CAPN13: variants seen among roughly 807,000 people sequenced by gnomAD.
CAPN13 encodes the protein calpain-13.
CAPN13 carries 90 observed loss-of-function variants against 98.4 expected under a neutral mutation model. The observed-to-expected ratio is 0.92, with a 90% CI of 0.77 to 1.09. The LOEUF is 1.09. Ranked by LOEUF, CAPN13 falls within the 50% of genes least tolerant of loss-of-function variation. The probability of loss-of-function intolerance (pLI) is 0.00; values close to 1 mark genes in which losing one functional copy is unlikely to be tolerated. For missense variants in CAPN13, 887 were observed against 841.3 expected (o/e 1.05, Z -0.67); for synonymous variants, 330 against 305.5 (o/e 1.08, Z -0.84).
At chr2:30,766,684 G>A (rs1416101491) in intron 5 of CAPN13, among the ~76,000 whole-genome samples, 2 of 152,208 alleles carry the variant, frequency 1.3e-5, no homozygotes, top group African/African-American at 2.4e-5. Context: ...CTTTCTGCCC[G>A]GCAATCATAT....
chr2:30,798,808 C>T (rs1024566126), intron 1 of CAPN13, among the ~76,000 whole-genome samples: 1 of 152,178 alleles, frequency 6.6e-6, no homozygotes, highest in African/African-American at 2.4e-5. Flanking sequence ...TCCAGCAAAA[C>T]CCATTACTAA....
intron 22 of CAPN13, 124 bp downstream of exon 22, chr2:30,730,606 T>C: frequency 1.6e-6 from 1 of 617,048 alleles, no homozygotes; most frequent in Non-Finnish European, 2.9e-6. Context: ...CTTGGTTCAC[T>C]TATGTAAGGG....
At chr2:30,732,282 C>T (rs945474184) in intron 20 of CAPN13, among the ~76,000 whole-genome samples, 156 bp downstream of exon 20, 13 of 152,156 alleles carry the variant, frequency 8.5e-5, no homozygotes, top group South Asian at 2.1e-4. Flanking sequence ...GCTGGTCACA[C>T]CATCTACAGC....
intron 1 of CAPN13, among the ~76,000 whole-genome samples, chr2:30,806,978 CAG>C (rs1454653653): frequency 4.6e-5 from 7 of 152,174 alleles, no homozygotes; most frequent in Admixed American, 1.3e-4. Context: ...ACGGTGAACA[CAG>C]CCCTCAAGGT....
In CAPN13 at chr2:30,732,569, G is replaced by A; in HGVS notation, c.1799-3C>T. 1 of 1,605,892 alleles carries A rather than the reference G, an allele frequency of 6.2e-7. No homozygotes were observed. Among genetic ancestry groups the A allele is most frequent in the Non-Finnish European group, 8.5e-7 (1 of 1,177,100 alleles). On this transcript the variant is annotated splice_polypyrimidine_tract_variant and splice_region_variant and intron_variant, in intron 19 of 22. Transcript: ENST00000295055. The stretch of plus-strand genomic sequence containing the variant: ...GATGAAGATCCCTCTGAGGAAGTCT[G>A]GGGCCACAGGTGAACGAGTGAGTGA...
chr2:30,725,629 C>T (rs1670832890), intron 22 of CAPN13, among the ~76,000 whole-genome samples: 1 of 152,132 alleles, frequency 6.6e-6, no homozygotes, highest in Admixed American at 6.5e-5. Context: ...GCTCCAGGGA[C>T]ACTTTGTAAC....
intron 17 of CAPN13, 74 bp downstream of exon 17, chr2:30,738,161 C>T (rs552349985): frequency 2.0e-6 from 3 of 1,537,408 alleles, no homozygotes; most frequent in African/African-American, 1.4e-5. Context: ...CCCTACTGTC[C>T]TAATTAGGTC....
At chr2:30,771,613 C>A (rs1252553015) in intron 4 of CAPN13, among the ~76,000 whole-genome samples, 1 of 152,176 alleles carries the variant, frequency 6.6e-6, no homozygotes, top group African/African-American at 2.4e-5. Flanking sequence ...AGGGTGATTA[C>A]AAAATGCATC....
intron 1 of CAPN13, among the ~76,000 whole-genome samples, chr2:30,801,520 G>C (rs538150134): frequency 6.7e-6 from 1 of 150,078 alleles, no homozygotes; most frequent in Admixed American, 6.7e-5. Context: ...CTGGAGAATC[G>C]CTTGAACCCG....
chr2:30,804,575 G>C (rs1347350147), intron 1 of CAPN13, among the ~76,000 whole-genome samples: 1 of 152,190 alleles, frequency 6.6e-6, no homozygotes, highest in Non-Finnish European at 1.5e-5. Context: ...GATCATAAAT[G>C]CTTTATATCA....
intron 7 of CAPN13, 69 bp from the exon 8 acceptor site, chr2:30,758,206 AGCT>A: frequency 1.7e-6 from 2 of 1,205,914 alleles, no homozygotes; most frequent in Non-Finnish European, 2.3e-6. Context: ...GGATGAATGC[AGCT>A]GCTTTTTACC....
chr2:30,805,498 CAAT>C (rs1675559959), intron 1 of CAPN13, among the ~76,000 whole-genome samples: 1 of 152,144 alleles, frequency 6.6e-6, no homozygotes, highest in South Asian at 2.1e-4. Context: ...ATAATGTCAA[CAAT>C]AATGACTAAA....
chr2:30,722,918 G>C lies in CAPN13; in HGVS notation c.*349C>G, dbSNP rs1670742267. On this transcript the variant is annotated 3_prime_UTR_variant, in exon 23 of 23. Transcript: ENST00000295055. ...AGGGTGGTCAAAGTGGCTCATTCTG[G>C]CTCTTCCAAGAAATGAATCCAACTG... 1 of 152,228 alleles carries C rather than the reference G, an allele frequency of 6.6e-6. No individual in the cohort carries two copies. Among genetic ancestry groups the C allele is most frequent in the Non-Finnish European group, 1.5e-5 (1 of 68,050 alleles). 9.4% of individuals were successfully genotyped at this position (152,228 alleles called of 1,614,324 possible). A position where few individuals can be genotyped will look rare whatever the true frequency, so the allele number is the denominator to read the frequency against.
intron 8 of CAPN13, among the ~76,000 whole-genome samples, chr2:30,757,393 C>T (rs72783028): frequency 0.087 from 13,254 of 152,296 alleles, 842 homozygotes; most frequent in East Asian, 0.24. Flanking sequence ...CACAGCTGGG[C>T]CCCCATGGGA....
rs1164244495 is a variant in CAPN13 at position 30,743,529 on chromosome 2, AGT to A, written c.1297_1298del (p.Thr433CysfsTer6). The A allele has an allele frequency of 1.9e-6, 3 of 1,613,998 alleles. No homozygotes were observed. Among genetic ancestry groups the A allele is most frequent in the Admixed American group, 3.3e-5 (2 of 60,016 alleles). ...PPVFFSSFRN[T>X]VQSSNNKFRR... ...GGAATTTATTATTTGAGCTTTGGAC[AGT>A]GTTTCTGAACGAGGAAAAAAACACG... On this transcript the variant is annotated frameshift_variant, in exon 13 of 23. Coordinates refer to ENST00000295055, the MANE Select transcript of CAPN13 (RefSeq NM_144575.3). LOFTEE classifies it high-confidence loss of function.
intron 10 of CAPN13, among the ~76,000 whole-genome samples, chr2:30,752,514 G>A (rs1558308596): frequency 6.6e-6 from 1 of 152,152 alleles, no homozygotes; most frequent in Non-Finnish European, 1.5e-5. Flanking sequence ...ACTTCAGCAG[G>A]GACATACCTG....
At chr2:30,731,215 T>G in intron 21 of CAPN13, 129 bp downstream of exon 21, 1 of 736,488 alleles carries the variant, frequency 1.4e-6, no homozygotes, top group Non-Finnish European at 2.1e-6. Context: ...TAATTGGAGG[T>G]TGGGGGGACA....
Position 30,727,901 on chromosome 2 carries a change from C to T in CAPN13, c.*30+2829G>A, listed in dbSNP as rs78565405. Among the ~76,000 whole-genome samples, 759 of 152,048 alleles carry T rather than the reference C, an allele frequency of 5.0e-3. 10 individuals carry two copies. The highest frequency in any genetic ancestry group is 0.017 in the African/African-American group (723 of 41,442). On this transcript the variant is annotated intron_variant, in intron 22 of 22. Transcript: ENST00000295055. The stretch of plus-strand genomic sequence containing the variant: ...TAATGACAGTCAAAACTAGAAACAA[C>T]CCACATGTCTATCAACTGAGGAATA...
At chr2:30,763,230 A>C (rs200008683) in intron 6 of CAPN13, 74 bp from the exon 7 acceptor site, 15 of 1,348,232 alleles carry the variant, frequency 1.1e-5, no homozygotes. Context: ...CACAGTCCAA[A>C]CAGCCACTGA....
Sources: allele counts gnomAD v4.1 joint callset (sites outside exome capture counted in the v4.1 genomes callset), GRCh38; gene constraint gnomAD v4.1.1; transcripts MANE v1.5; gene names NCBI Gene and HGNC (gene_info 2026-07-23, HGNC 2026-07-21).